Variants in GALNTL6 observed in about 807,000 individuals in gnomAD.
GALNTL6 encodes the protein polypeptide N-acetylgalactosaminyltransferase like 6, also known as polypeptide N-acetylgalactosaminyltransferase-like 6.
In GALNTL6, 46 loss-of-function variants were observed where a neutral mutation model predicts 73.7. That is an observed-to-expected ratio of 0.62 (90% CI 0.49 to 0.80). The LOEUF (loss-of-function observed/expected upper bound fraction) is 0.80, where lower values mean the gene tolerates loss of function less well. Ranked by LOEUF, GALNTL6 falls within the 30% of genes least tolerant of loss-of-function variation. The pLI, the probability that GALNTL6 is intolerant of heterozygous loss-of-function variation, is 0.00. For missense variants in GALNTL6, 604 were observed against 755.0 expected (o/e 0.80, Z 2.34); for synonymous variants, 259 against 263.7 (o/e 0.98, Z 0.17).
At chr4:172,979,004 A>G (rs536259220) in intron 10 of GALNTL6, among the ~76,000 whole-genome samples, 1 of 152,360 alleles carries the variant, frequency 6.6e-6, no homozygotes, top group South Asian at 2.1e-4. Flanking sequence ...GATTAACTGT[A>G]AATAATTCCT....
At chr4:173,013,342 T>C (rs992968880) in intron 11 of GALNTL6, among the ~76,000 whole-genome samples, 2 of 152,172 alleles carry the variant, frequency 1.3e-5, no homozygotes, top group Non-Finnish European at 2.9e-5. Context: ...CTACCATCTC[T>C]ATTCAACCCA....
intron 2 of GALNTL6, among the ~76,000 whole-genome samples, chr4:171,927,704 G>A (rs1423646539): frequency 6.6e-6 from 1 of 152,010 alleles, no homozygotes; most frequent in African/African-American, 2.4e-5. Flanking sequence ...TCACATTCCT[G>A]TCTCAAGGAC....
intron 5 of GALNTL6, among the ~76,000 whole-genome samples, chr4:172,690,160 C>T (rs1733180949): frequency 6.6e-6 from 1 of 152,090 alleles, no homozygotes; most frequent in African/African-American, 2.4e-5. Context: ...ACACTCAATT[C>T]CATGGATTTA....
chr4:172,746,893 G>A (rs967428442), intron 5 of GALNTL6, among the ~76,000 whole-genome samples: 4 of 152,010 alleles, frequency 2.6e-5, no homozygotes, highest in Non-Finnish European at 5.9e-5. Context: ...AAATAGGAAA[G>A]GATGAAGTAA....
In GALNTL6 at chr4:172,984,168, TCGTC is replaced by T. The variant is rs200428416; in HGVS notation, c.1372-25006_1372-25003del. ...GTTGTGTCTGTATATGCGTATGTAT[TCGTC>T]CGTTCTCAGATTGCTAATACAGACA... On this transcript the variant is annotated intron_variant, in intron 10 of 12. Transcript: ENST00000506823. 7.8e-3 allele frequency among the ~76,000 whole-genome samples: 1,184 copies of T among 152,344 alleles called. 11 individuals carry two copies. Among genetic ancestry groups the T allele is most frequent in the African/African-American group, 0.027 (1,143 of 41,576 alleles).
intron 7 of GALNTL6, among the ~76,000 whole-genome samples, chr4:172,841,273 T>A (rs1743191039): frequency 6.6e-6 from 1 of 152,204 alleles, no homozygotes; most frequent in South Asian, 2.1e-4. Context: ...GACATAGGAT[T>A]TACCCTGTGT....
intron 5 of GALNTL6, among the ~76,000 whole-genome samples, chr4:172,526,367 A>G (rs1186459385): frequency 6.6e-6 from 1 of 152,184 alleles, no homozygotes; most frequent in African/African-American, 2.4e-5. Flanking sequence ...GCCCCATTTT[A>G]TAATTGAAGC....
At chr4:172,295,531 G>GTTTT (rs58721038) in intron 3 of GALNTL6, among the ~76,000 whole-genome samples, 5 of 73,138 alleles carry the variant, frequency 6.8e-5, no homozygotes, top group Non-Finnish European at 9.7e-5. Context: ...CTTTTTTTAG[G>GTTTT]TTTTTTTTTT....
At chr4:172,282,274 C>T (rs1254162954) in intron 3 of GALNTL6, among the ~76,000 whole-genome samples, 1 of 152,126 alleles carries the variant, frequency 6.6e-6, no homozygotes, top group Non-Finnish European at 1.5e-5. Flanking sequence ...TACGTATGAA[C>T]ATTGCTATGC....
At chr4:172,329,037 G>A (rs1350639830) in intron 4 of GALNTL6, among the ~76,000 whole-genome samples, 1 of 152,192 alleles carries the variant, frequency 6.6e-6, no homozygotes, top group Non-Finnish European at 1.5e-5. Context: ...CAGGGGCAGG[G>A]TGGTTGTACT....
Position 172,720,480 on chromosome 4 carries a change from C to T in GALNTL6, c.554-88881C>T, listed in dbSNP as rs187204069. ...GCTAGTTAGTTTCTCCAGGTTCCCC[C>T]CTCCCACCTGGTTGTCTCAGTTTTA... is the stretch of plus-strand genomic sequence containing the variant. On this transcript the variant is annotated intron_variant, in intron 5 of 12. Transcript: ENST00000506823. 8.5e-5 allele frequency among the ~76,000 whole-genome samples: 13 copies of T among 152,258 alleles called. No individual in the cohort carries two copies. The South Asian group carries it at 2.3e-3, about 27-fold the overall frequency.
At chr4:172,375,493 G>A (rs1388403694) in intron 5 of GALNTL6, among the ~76,000 whole-genome samples, 1 of 152,048 alleles carries the variant, frequency 6.6e-6, no homozygotes, top group Admixed American at 6.5e-5. Context: ...CCCAGTTTTG[G>A]TTTGTTTGTT....
chr4:172,635,051 ACTC>A (rs1255935109), intron 5 of GALNTL6, among the ~76,000 whole-genome samples: 3 of 152,196 alleles, frequency 2.0e-5, no homozygotes, highest in Non-Finnish European at 4.4e-5. Flanking sequence ...ACTGCAAACT[ACTC>A]AAAGTCATAA....
chr4:172,900,864 A>C (rs1417896158), intron 8 of GALNTL6, among the ~76,000 whole-genome samples: 2 of 152,196 alleles, frequency 1.3e-5, no homozygotes, highest in Admixed American at 6.5e-5. Flanking sequence ...AAATCTGGAG[A>C]GTTTGCAAAA....
At chr4:172,437,276 A>G (rs1361820221) in intron 5 of GALNTL6, among the ~76,000 whole-genome samples, 2 of 152,118 alleles carry the variant, frequency 1.3e-5, no homozygotes, top group African/African-American at 4.8e-5. Context: ...TTAAAACTGA[A>G]CAGAAAGTTC....
intron 7 of GALNTL6, among the ~76,000 whole-genome samples, chr4:172,819,275 G>A (rs781499494): frequency 1.3e-4 from 20 of 152,224 alleles, no homozygotes; most frequent in Non-Finnish European, 2.9e-4. Context: ...TGCAGAACTT[G>A]CAGACTCTCT....
intron 2 of GALNTL6, among the ~76,000 whole-genome samples, chr4:172,054,219 C>T (rs1463891815): frequency 6.6e-6 from 1 of 151,960 alleles, no homozygotes; most frequent in Non-Finnish European, 1.5e-5. Flanking sequence ...CAATATACTG[C>T]AATAACTTTA....
chr4:172,072,687 A>G (rs149087169), intron 2 of GALNTL6, among the ~76,000 whole-genome samples: 2 of 152,240 alleles, frequency 1.3e-5, no homozygotes, highest in African/African-American at 2.4e-5. Flanking sequence ...CTTCTTGCCT[A>G]TATCCAGTAA....
At chr4:172,337,140 C>T (rs1430094508) in intron 4 of GALNTL6, among the ~76,000 whole-genome samples, 1 of 152,042 alleles carries the variant, frequency 6.6e-6, no homozygotes, top group African/African-American at 2.4e-5. Context: ...TCCAACCTTT[C>T]ACTTTAAGCT....
Sources: gnomAD v4.1 joint callset for allele counts (sites outside exome capture counted in the v4.1 genomes callset) on GRCh38, gnomAD v4.1.1 for gene constraint, MANE v1.5 for transcripts, NCBI Gene and HGNC (gene_info 2026-07-23, HGNC 2026-07-21) for gene names.